Variants in SMG6 observed in about 807,000 individuals in gnomAD.
SMG6 encodes telomerase-binding protein EST1A.
SMG6 carries 66 observed loss-of-function variants against 142.2 expected under a neutral mutation model. The ratio of observed to expected loss-of-function variants is 0.46; its 90% CI spans 0.38 to 0.57. SMG6 has a LOEUF of 0.57. Ranked by LOEUF, SMG6 falls within the 20% of genes least tolerant of loss-of-function variation. The pLI, the probability that SMG6 is intolerant of heterozygous loss-of-function variation, is 0.00. For synonymous variants in SMG6, 779 were observed against 702.4 expected (o/e 1.11, Z -1.72); for missense variants, 1,793 against 1,832.0 (o/e 0.98, Z 0.39).
chr17:2,080,692 A>G (rs2068394667), intron 15 of SMG6, among the ~76,000 whole-genome samples: 2 of 151,476 alleles, frequency 1.3e-5, no homozygotes, highest in Middle Eastern at 3.4e-3. Context: ...CTGGAGTGCA[A>G]TGGTGCAAGA....
At chr17:2,193,128 G>A (rs928687591) in intron 10 of SMG6, among the ~76,000 whole-genome samples, 2 of 152,196 alleles carry the variant, frequency 1.3e-5, no homozygotes, top group African/African-American at 4.8e-5. Context: ...ATGGGGCCTG[G>A]TGGGAGGTGT....
At chr17:2,301,706 G>A (rs2151420687) in intron 1 of SMG6, among the ~76,000 whole-genome samples, 1 of 152,262 alleles carries the variant, frequency 6.6e-6, no homozygotes, top group East Asian at 1.9e-4. Flanking sequence ...GCCGGGCGTG[G>A]TGGTGGGCGC....
chr17:2,262,656 G>C (rs899352554), intron 8 of SMG6, among the ~76,000 whole-genome samples: 3 of 152,164 alleles, frequency 2.0e-5, no homozygotes, highest in Non-Finnish European at 4.4e-5. Flanking sequence ...TTCACCCTGA[G>C]TTAATCTCTT....
chr17:2,298,879 C>A, intron 2 of SMG6, 27 bp downstream of exon 2: 3 of 1,584,084 alleles, frequency 1.9e-6, no homozygotes, highest in South Asian at 2.3e-5. Context: ...CCCCATTTCC[C>A]TCCAGCCAGA....
chr17:2,269,305 C>T (rs1215866471), intron 8 of SMG6, among the ~76,000 whole-genome samples: 1 of 149,538 alleles, frequency 6.7e-6, no homozygotes, highest in Non-Finnish European at 1.5e-5. Flanking sequence ...GCATGAGAAT[C>T]ACTTGAACCT....
In SMG6 at chr17:2,300,078, C is replaced by T; in HGVS notation, c.675G>A (p.Gly225=). The change falls in exon 2 of 19, where the codon GGG becomes GGA. Residue 225 remains glycine, a synonymous_variant. Coordinates refer to ENST00000263073, the MANE Select transcript of SMG6 (RefSeq NM_017575.5). ...EKGKRMGKGE[G]VRETHDDPAR... is the part of the protein sequence containing the mutation. Reference sequence around the variant, plus strand: ...CTGGGTCGTCGTGGGTTTCCCTCACCCCCTCCCCTTTTCCCATCCTCTTTC... The same window carrying T: ...CTGGGTCGTCGTGGGTTTCCCTCACTCCCTCCCCTTTTCCCATCCTCTTTC... 6.2e-7 allele frequency: 1 copy of T among 1,613,972 alleles called. No homozygotes were observed. The highest frequency in any genetic ancestry group is 8.5e-7 in the Non-Finnish European group (1 of 1,179,854).
At chr17:2,078,118 T>TA (rs1400321955) in intron 15 of SMG6, among the ~76,000 whole-genome samples, 1 of 152,070 alleles carries the variant, frequency 6.6e-6, no homozygotes, top group Non-Finnish European at 1.5e-5. Flanking sequence ...AGGAGCCTGG[T>TA]ATGCTACAAA....
intron 9 of SMG6, 149 bp downstream of exon 9, chr17:2,244,509 G>T: frequency 1.6e-6 from 1 of 634,210 alleles, no homozygotes; most frequent in East Asian, 2.7e-5. Context: ...CAGTAGGACA[G>T]AAGATGAAGG....
At chr17:2,112,433 G>T (rs891711709) in intron 13 of SMG6, among the ~76,000 whole-genome samples, 4 of 151,328 alleles carry the variant, frequency 2.6e-5, no homozygotes, top group African/African-American at 7.3e-5. Flanking sequence ...GCATGAACCC[G>T]GGAGGCGGAG....
intron 8 of SMG6, among the ~76,000 whole-genome samples, chr17:2,270,629 A>G (rs216183): frequency 0.57 from 87,138 of 151,988 alleles, 26,252 homozygotes; most frequent in East Asian, 0.75. Flanking sequence ...AAATTCTTCA[A>G]CTAAAATACT....
At chr17:2,222,755 T>C (rs1301565333) in intron 10 of SMG6, among the ~76,000 whole-genome samples, 1 of 152,150 alleles carries the variant, frequency 6.6e-6, no homozygotes, top group African/African-American at 2.4e-5. Flanking sequence ...TTCAAGACTT[T>C]CTTTCCAAGT....
At chr17:2,106,207 C>A (rs1223138757) in intron 13 of SMG6, among the ~76,000 whole-genome samples, 1 of 152,146 alleles carries the variant, frequency 6.6e-6, no homozygotes. Context: ...CCCTTTCCAC[C>A]CCATCACTTT....
chr17:2,127,019 G>A (rs1303601609), intron 13 of SMG6, among the ~76,000 whole-genome samples: 1 of 151,672 alleles, frequency 6.6e-6, no homozygotes, highest in Non-Finnish European at 1.5e-5. Flanking sequence ...CGTGCTTGTG[G>A]TCCCAGCTAC....
chr17:2,236,869 C>T (rs1309262728), intron 9 of SMG6: 2 of 1,215,684 alleles, frequency 1.6e-6, no homozygotes, highest in Admixed American at 4.2e-5. Context: ...GCAAACAACT[C>T]AAGTTTTGGA....
chr17:2,170,577 C>T (rs191816456), intron 13 of SMG6, among the ~76,000 whole-genome samples: 1 of 152,376 alleles, frequency 6.6e-6, no homozygotes, highest in Non-Finnish European at 1.5e-5. Context: ...TCACATACTA[C>T]AAATCCCCAT....
intron 13 of SMG6, among the ~76,000 whole-genome samples, chr17:2,124,157 C>A (rs1262313446): frequency 6.6e-6 from 1 of 152,170 alleles, no homozygotes; most frequent in Non-Finnish European, 1.5e-5. Context: ...GCACTTCTAA[C>A]TTCTGACACC....
At chr17:2,230,494 C>A (rs1245008747) in intron 10 of SMG6, among the ~76,000 whole-genome samples, 1 of 152,014 alleles carries the variant, frequency 6.6e-6, no homozygotes, top group Non-Finnish European at 1.5e-5. Flanking sequence ...ATTTCTTCAA[C>A]TGATATGATA....
chr17:2,299,340 C>T lies in SMG6; in HGVS notation c.1413G>A (p.Thr471=), dbSNP rs149206280. 1.2e-4 allele frequency: 201 copies of T among 1,613,968 alleles called. No individual in the cohort carries two copies. The African/African-American group carries it at 2.3e-3, about 19-fold the overall frequency. The change falls in exon 2 of 19, where the codon ACG becomes ACA. Residue 471 remains threonine, a synonymous_variant. Transcript: ENST00000263073. The surrounding 1 kb of genome is among the most constrained non-coding windows in gnomAD (Gnocchi z 4.3). The part of the protein sequence containing the change: ...PDQKPALKTQ[T]PQLHFLDTDD... Reference sequence around the variant, plus strand: ...CAGTGTCCAAGAAATGTAGCTGGGGCGTCTGAGTCTTTAGAGCAGGTTTCT... The same window carrying T: ...CAGTGTCCAAGAAATGTAGCTGGGGTGTCTGAGTCTTTAGAGCAGGTTTCT...
chr17:2,189,014 T>C (rs539291455), intron 10 of SMG6, among the ~76,000 whole-genome samples: 1 of 152,326 alleles, frequency 6.6e-6, no homozygotes, highest in East Asian at 1.9e-4. Context: ...CACCAACCTT[T>C]AGTCCCATCC....
Sources: allele counts gnomAD v4.1 joint callset (sites outside exome capture counted in the v4.1 genomes callset), GRCh38; gene constraint gnomAD v4.1.1; non-coding constraint Gnocchi (gnomAD v3.1); transcripts MANE v1.5; gene names NCBI Gene and HGNC (gene_info 2026-07-23, HGNC 2026-07-21).